The following RASSF8 variants were observed in gnomAD, a reference collection of about 807,000 sequenced individuals.
RASSF8 encodes Ras association domain family member 8, also known as ras association domain-containing protein 8.
In RASSF8, 22 loss-of-function variants were observed where a neutral mutation model predicts 48.5. The ratio of observed to expected loss-of-function variants is 0.45; its 90% CI spans 0.32 to 0.65. The LOEUF is 0.65. Among genes scored for constraint, RASSF8 ranks in the 30% least tolerant of loss-of-function variants. The pLI is 0.03. For synonymous variants in RASSF8, 127 were observed against 171.5 expected, an observed-to-expected ratio of 0.74 and a Z score of 2.03; for missense variants, 418 against 489.2, an observed-to-expected ratio of 0.85 and a Z score of 1.37.
chr12:26,067,670 G>T lies in RASSF8; in HGVS notation c.1095G>T (p.Ala365=), dbSNP rs748718855. The change falls in exon 5 of 6, where the codon GCG becomes GCT. Residue 365 remains alanine (A), a synonymous_variant. Coordinates refer to ENST00000689635, the MANE Select transcript of RASSF8 (RefSeq NM_001394098.1). ...GGACAAAAGTTACCGTTTTGCCAGC[G>T]GAGCCCATTGAAATAGAGGCCTCAC... ...QTGTKVTVLP[A]EPIEIEASHA... is the part of the protein sequence containing the mutation. 3 of 1,614,150 alleles carry T rather than the reference G, an allele frequency of 1.9e-6. No homozygotes were observed. The South Asian group carries it at 3.3e-5, about 18-fold the overall frequency.
intron 2 of RASSF8, among the ~76,000 whole-genome samples, chr12:26,014,080 C>T (rs757661598): frequency 2.6e-5 from 4 of 152,218 alleles, no homozygotes; most frequent in Non-Finnish European, 5.9e-5. Context: ...CCTGCCTGAG[C>T]TGCCAGTGCC....
At position 26,070,853 on chromosome 12, in the gene RASSF8, C is replaced by A; in HGVS notation, c.*2035C>A. The stretch of plus-strand genomic sequence containing the variant: ...ATTAGGAGTTTCAGAGATGCCTTGG[C>A]ATACCACGAAAAACACTGTCAATAT... On this transcript the variant is annotated 3_prime_UTR_variant, in exon 6 of 6. Coordinates refer to ENST00000689635, the MANE Select transcript of RASSF8 (RefSeq NM_001394098.1). 2 of 984,144 alleles carry A rather than the reference C, an allele frequency of 2.0e-6. No homozygotes were observed. The highest frequency in any genetic ancestry group is 2.4e-6 in the Non-Finnish European group (2 of 828,814). 61.0% of individuals were successfully genotyped at this position (984,144 alleles called of 1,614,324 possible).
At chr12:25,975,603 A>G (rs528010480) in intron 1 of RASSF8, among the ~76,000 whole-genome samples, 4 of 152,238 alleles carry the variant, frequency 2.6e-5, no homozygotes, top group Non-Finnish European at 5.9e-5. Flanking sequence ...CAATACTTGT[A>G]GTGGTTGATG....
chr12:26,031,322 T>C (rs1018215261), intron 2 of RASSF8, among the ~76,000 whole-genome samples: 1 of 152,220 alleles, frequency 6.6e-6, no homozygotes, highest in Non-Finnish European at 1.5e-5. Flanking sequence ...GTTTCAGTAT[T>C]TTTTTTTCTA....
chr12:25,960,367 C>G (rs922535780), intron 1 of RASSF8, among the ~76,000 whole-genome samples: 2 of 152,146 alleles, frequency 1.3e-5, no homozygotes, highest in African/African-American at 4.8e-5. Flanking sequence ...GTAGTGAATG[C>G]CAGCCAGCTT....
chr12:26,002,729 C>G (rs1045370246), intron 2 of RASSF8, among the ~76,000 whole-genome samples: 1 of 152,156 alleles, frequency 6.6e-6, no homozygotes, highest in African/African-American at 2.4e-5. Flanking sequence ...GAGCAGAGAT[C>G]ATGCTTGATC....
In RASSF8 at chr12:25,967,939, C is replaced by T. The variant is rs186800818; in HGVS notation, c.-203+8791C>T. On this transcript the variant is annotated intron_variant, in intron 1 of 5. Coordinates refer to ENST00000689635, the MANE Select transcript of RASSF8 (RefSeq NM_001394098.1). The stretch of plus-strand genomic sequence containing the variant: ...GCTCCTCACCATGCACACCCTGGAT[C>T]CCGCTGTCTTCGGGGCCCTTCTCTA... Among the ~76,000 whole-genome samples the T allele has an allele frequency of 6.6e-5, 10 of 152,318 alleles. No homozygotes were observed. The East Asian group carries it at 1.9e-3, about 29-fold the overall frequency.
chr12:25,989,335 G>T (rs910019147), intron 1 of RASSF8, among the ~76,000 whole-genome samples: 26 of 152,116 alleles, frequency 1.7e-4, no homozygotes, highest in Non-Finnish European at 2.5e-4. Flanking sequence ...TACTACTAGT[G>T]TGTTTTATAT....
intron 1 of RASSF8, among the ~76,000 whole-genome samples, chr12:25,991,404 C>T (rs2643939): frequency 0.021 from 3,136 of 151,754 alleles, 130 homozygotes; most frequent in African/African-American, 0.072. Context: ...TGCCTACAGA[C>T]GTAACTTTTT....
At chr12:25,962,900 T>A (rs1941269679) in intron 1 of RASSF8, among the ~76,000 whole-genome samples, 1 of 152,220 alleles carries the variant, frequency 6.6e-6, no homozygotes, top group Admixed American at 6.5e-5. Context: ...TTCGTAGTAA[T>A]AAATTGAGAC....
Position 26,068,863 on chromosome 12 carries a change from C to T in RASSF8, c.*45C>T, listed in dbSNP as rs1204433542. 2 of 1,527,732 alleles carry T rather than the reference C, an allele frequency of 1.3e-6. No homozygotes were observed. Among genetic ancestry groups the T allele is most frequent in the South Asian group, 1.2e-5 (1 of 82,676 alleles). The allele number at this position is 1,527,732 out of a possible 1,614,324, so 94.6% of individuals were successfully genotyped here. A position where few individuals can be genotyped will look rare whatever the true frequency, so the allele number is the denominator to read the frequency against. On this transcript the variant is annotated 3_prime_UTR_variant, in exon 6 of 6. Coordinates refer to ENST00000689635, the MANE Select transcript of RASSF8 (RefSeq NM_001394098.1). Reference sequence around the variant, plus strand: ...GGAGACCCAACAGAGGTACCAAGGACAGTAAACTTCCTTTTTGATTTGTGC... The same window carrying T: ...GGAGACCCAACAGAGGTACCAAGGATAGTAAACTTCCTTTTTGATTTGTGC...
Position 26,008,003 on chromosome 12 carries a change from G to T in RASSF8, c.-109+12873G>T, listed in dbSNP as rs188181408. Reference sequence around the variant, plus strand: ...TTAAAATGTTCTCACATCAGGTGCGGTGGCTCACGCCTGTAATCCCAGCAC... The same window carrying T: ...TTAAAATGTTCTCACATCAGGTGCGTTGGCTCACGCCTGTAATCCCAGCAC... On this transcript the variant is annotated intron_variant, in intron 2 of 5. Coordinates refer to ENST00000689635, the MANE Select transcript of RASSF8 (RefSeq NM_001394098.1). Among the ~76,000 whole-genome samples the T allele has an allele frequency of 1.6e-3, 243 of 152,296 alleles. 1 individual carries two copies. Among genetic ancestry groups the T allele is most frequent in the African/African-American group, 5.5e-3 (229 of 41,560 alleles).
chr12:26,069,143 G>A lies in RASSF8; in HGVS notation c.*325G>A, dbSNP rs1943947176. On this transcript the variant is annotated 3_prime_UTR_variant, in exon 6 of 6. Transcript: ENST00000689635. ...AATAAGCCGTGACTTAAGTAAGAGT[G>A]AAGAGAAATTTGTGACTGGCTTAGT... 1.0e-6 allele frequency: 1 copy of A among 993,096 alleles called. No homozygotes were observed. Among genetic ancestry groups the A allele is most frequent in the Non-Finnish European group, 1.2e-6 (1 of 835,104 alleles). The allele number at this position is 993,096 out of a possible 1,614,324, so 61.5% of individuals were successfully genotyped here.
At chr12:26,024,888 C>T (rs886545921) in intron 2 of RASSF8, among the ~76,000 whole-genome samples, 3 of 151,868 alleles carry the variant, frequency 2.0e-5, no homozygotes, top group South Asian at 2.1e-4. Context: ...ATCTGGGAGG[C>T]GGAGCTTGCA....
At chr12:26,042,152 A>G (rs148450670) in intron 2 of RASSF8, among the ~76,000 whole-genome samples, 1 of 152,196 alleles carries the variant, frequency 6.6e-6, no homozygotes. Flanking sequence ...TGGCAATTTA[A>G]GGATTTGTCA....
At chr12:25,986,926 T>TTTGTTTGTTTGTTTGTTTG in intron 1 of RASSF8, among the ~76,000 whole-genome samples, 3 of 146,700 alleles carry the variant, frequency 2.0e-5, no homozygotes, top group South Asian at 4.4e-4. Context: ...CGTTTTTTTT[T>TTTGTTTGTTTGTTTGTTTG]TTTGTTTGTT....
chr12:26,038,452 G>C (rs1001841964), intron 2 of RASSF8, among the ~76,000 whole-genome samples: 1 of 152,214 alleles, frequency 6.6e-6, no homozygotes, highest in East Asian at 1.9e-4. Context: ...TACAAAACTA[G>C]ATATTTGGCT....
At chr12:26,010,888 T>C (rs1191703624) in intron 2 of RASSF8, among the ~76,000 whole-genome samples, 1 of 151,860 alleles carries the variant, frequency 6.6e-6, no homozygotes, top group Non-Finnish European at 1.5e-5. Flanking sequence ...TCAATCCTGG[T>C]CACAAAGACC....
At chr12:25,987,636 A>T (rs1341983567) in intron 1 of RASSF8, among the ~76,000 whole-genome samples, 1 of 152,210 alleles carries the variant, frequency 6.6e-6, no homozygotes, top group African/African-American at 2.4e-5. Context: ...ATTAACATAC[A>T]TTATGCAACA....
Sources: gnomAD v4.1 joint callset for allele counts (sites outside exome capture counted in the v4.1 genomes callset) on GRCh38, gnomAD v4.1.1 for gene constraint, MANE v1.5 for transcripts, NCBI Gene and HGNC (gene_info 2026-07-23, HGNC 2026-07-21) for gene names.